EFCAB8: variants seen among roughly 807,000 people sequenced by gnomAD.
EFCAB8 encodes EF-hand calcium binding domain 8, also known as EF-hand calcium-binding domain-containing protein 8.
In EFCAB8, 100 loss-of-function variants were observed where a neutral mutation model predicts 116.3. That is an observed-to-expected ratio of 0.86 (90% CI 0.73 to 1.02). EFCAB8 has a LOEUF of 1.02. Among genes scored for constraint, EFCAB8 ranks in the 50% least tolerant of loss-of-function variants. The pLI is 0.00. For missense variants in EFCAB8, 1,320 were observed against 1,416.9 expected (o/e 0.93, Z 1.10); for synonymous variants, 558 against 567.9 (o/e 0.98, Z 0.25).
At chr20:32,901,749 G>A (rs1600402654) in intron 11 of EFCAB8, among the ~76,000 whole-genome samples, 1 of 152,252 alleles carries the variant, frequency 6.6e-6, no homozygotes, top group East Asian at 1.9e-4. Context: ...GTGCGGTGGT[G>A]TAATCTTAGC....
chr20:32,883,342 G>A (rs1249973011), intron 5 of EFCAB8, among the ~76,000 whole-genome samples: 1 of 152,122 alleles, frequency 6.6e-6, no homozygotes, highest in Non-Finnish European at 1.5e-5. Context: ...AGCTGTTGCC[G>A]GGAGGCGCTT....
chr20:32,865,811 A>AG (rs35462744), intron 2 of EFCAB8, among the ~76,000 whole-genome samples: 2 of 151,422 alleles, frequency 1.3e-5, no homozygotes, highest in African/African-American at 4.8e-5. Flanking sequence ...AAAAAAAAAA[A>AG]TTTGCTGCCT....
At chr20:32,940,097 A>G (rs13043706) in intron 22 of EFCAB8, among the ~76,000 whole-genome samples, 2 of 132,770 alleles carry the variant, frequency 1.5e-5, no homozygotes, top group Non-Finnish European at 3.1e-5. Context: ...TTTTGGAGAT[A>G]CAAGGGATAT....
chr20:32,944,954 A>G (rs1392338324), intron 23 of EFCAB8, among the ~76,000 whole-genome samples: 1 of 151,636 alleles, frequency 6.6e-6, no homozygotes, highest in Non-Finnish European at 1.5e-5. Context: ...ACCATAATGC[A>G]TATATTGTCC....
chr20:32,876,097 A>G (rs939405885), intron 4 of EFCAB8, 53 bp downstream of exon 4: 1 of 1,461,198 alleles, frequency 6.8e-7, no homozygotes, highest in African/African-American at 1.4e-5. Context: ...TGGAGGGTCC[A>G]GTCCTTGACC....
chr20:32,959,667 G>A, intron 24 of EFCAB8, 111 bp from the exon 25 acceptor site: 1 of 771,104 alleles, frequency 1.3e-6, no homozygotes, highest in Non-Finnish European at 2.1e-6. Flanking sequence ...AGGGAGGGAT[G>A]GAAGATTGGA....
chr20:32,920,596 A>G (rs1045597296), intron 20 of EFCAB8, among the ~76,000 whole-genome samples: 1 of 152,156 alleles, frequency 6.6e-6, no homozygotes, highest in Non-Finnish European at 1.5e-5. Context: ...CCCCTGATAA[A>G]CCCATCAGAT....
At chr20:32,888,424 A>G (rs973391333) in intron 6 of EFCAB8, among the ~76,000 whole-genome samples, 2 of 152,040 alleles carry the variant, frequency 1.3e-5, no homozygotes, top group African/African-American at 4.8e-5. Flanking sequence ...CGGGGTTTCA[A>G]CATTGGCCAG....
rs141628839 is a variant in EFCAB8 at position 32,950,768 on chromosome 20, G to A, written c.2959+6964G>A. 3.3e-3 allele frequency among the ~76,000 whole-genome samples: 497 copies of A among 152,260 alleles called. 1 individual carries two copies. Among genetic ancestry groups the A allele is most frequent in the African/African-American group, 0.012 (481 of 41,560 alleles). ...GCCCATTGTATGAGGGTGAAGTTTA[G>A]CAGTTACCCAAGAGACCTCCCCCTC... On this transcript the variant is annotated intron_variant, in intron 23 of 26. Transcript: ENST00000400522.
At chr20:32,935,287 G>C (rs1238888870) in intron 22 of EFCAB8, among the ~76,000 whole-genome samples, 1 of 130,938 alleles carries the variant, frequency 7.6e-6, no homozygotes, top group African/African-American at 2.8e-5. Context: ...TGCAACCCCC[G>C]CCTCCCGGGT....
At chr20:32,869,993 A>T (rs1718700442) in intron 3 of EFCAB8, among the ~76,000 whole-genome samples, 1 of 152,164 alleles carries the variant, frequency 6.6e-6, no homozygotes, top group African/African-American at 2.4e-5. Context: ...CCCCTGAGAT[A>T]ATACTCCTGT....
chr20:32,893,156 G>A lies in EFCAB8; in HGVS notation c.759-18G>A, dbSNP rs1332664159. On this transcript the variant is annotated intron_variant, in intron 8 of 26. Transcript: ENST00000400522. Reference sequence around the variant, plus strand: ...GCGCCCAGCCCACACAACCTCTTCCGTCTCCATCTTTCTGCAGGTCTGACT... The same window carrying A: ...GCGCCCAGCCCACACAACCTCTTCCATCTCCATCTTTCTGCAGGTCTGACT... The A allele has an allele frequency of 3.2e-6, 5 of 1,551,622 alleles. No individual in the cohort carries two copies. Among genetic ancestry groups the A allele is most frequent in the East Asian group, 2.4e-5 (1 of 40,884 alleles).
rs150504280 is a variant in EFCAB8 at position 32,912,398 on chromosome 20, C to T, written c.1786-396C>T. 3.6e-3 allele frequency among the ~76,000 whole-genome samples: 535 copies of T among 149,240 alleles called. 2 individuals are homozygous for T. Among genetic ancestry groups the T allele is most frequent in the African/African-American group, 0.013 (514 of 40,160 alleles). ...AGTGAGCCGAGATCCCGCCATCGCA[C>T]TCCAGCCTGGGCAGCAAGAGTGAAA... is the stretch of plus-strand genomic sequence containing the variant. On this transcript the variant is annotated intron_variant, in intron 16 of 26. Coordinates refer to ENST00000400522, the MANE Select transcript of EFCAB8 (RefSeq NM_001143967.2).
At chr20:32,887,881 G>T (rs1003020577) in intron 6 of EFCAB8, among the ~76,000 whole-genome samples, 28 of 152,210 alleles carry the variant, frequency 1.8e-4, no homozygotes, top group South Asian at 8.3e-4. Flanking sequence ...ACAAATTATC[G>T]GTTAGTAAGC....
intron 23 of EFCAB8, among the ~76,000 whole-genome samples, chr20:32,944,728 T>C (rs1988528567): frequency 6.6e-6 from 1 of 152,138 alleles, no homozygotes; most frequent in South Asian, 2.1e-4. Flanking sequence ...AGGACAGCTT[T>C]CCTGGATATA....
At chr20:32,920,347 T>C (rs995430397) in intron 20 of EFCAB8, 132 bp downstream of exon 20, 11 of 1,199,868 alleles carry the variant, frequency 9.2e-6, no homozygotes, top group Non-Finnish European at 1.3e-5. Flanking sequence ...GAAGGCATCT[T>C]GGAGAGGATG....
chr20:32,952,072 C>A (rs988934977), intron 23 of EFCAB8, among the ~76,000 whole-genome samples: 2 of 151,676 alleles, frequency 1.3e-5, no homozygotes, highest in African/African-American at 4.9e-5. Context: ...CCAGCCTGGG[C>A]AACATAGTGA....
rs933996849 is a variant in EFCAB8, at chr20:32,960,102, C to T, written c.3334C>T (p.Arg1112Cys). Residue 1112 changes from arginine (R) to cysteine (C), a missense_variant, in exon 26 of 27, where the codon CGC (arginine) becomes TGC (cysteine). Coordinates refer to ENST00000400522, the MANE Select transcript of EFCAB8 (RefSeq NM_001143967.2). ...GGGAGCGGCGTATAAGCCCAAGGAA[C>T]GCTTGCAGAATACCAGGTTCCTGTC... ...VLGAAYKPKE[R>C]LQNTRFLSTR... 97 of 1,551,610 alleles carry T rather than the reference C, an allele frequency of 6.3e-5. No homozygotes were observed. The highest frequency in any genetic ancestry group is 1.1e-4 in the South Asian group (9 of 84,068).
intron 23 of EFCAB8, among the ~76,000 whole-genome samples, chr20:32,944,753 G>C (rs1024223644): frequency 2.6e-5 from 4 of 151,976 alleles, no homozygotes; most frequent in Non-Finnish European, 5.9e-5. Context: ...TTTTGGATGA[G>C]AGTTTTTGTT....
Sources: gnomAD v4.1 joint callset for allele counts (sites outside exome capture counted in the v4.1 genomes callset) on GRCh38, gnomAD v4.1.1 for gene constraint, MANE v1.5 for transcripts, NCBI Gene and HGNC (gene_info 2026-07-23, HGNC 2026-07-21) for gene names.